Variants in BACH2 observed in about 807,000 individuals in gnomAD.
BACH2 encodes transcription regulator protein BACH2.
Under a neutral mutation model 61.8 loss-of-function variants are expected in BACH2, and 5 were observed. The ratio of observed to expected loss-of-function variants is 0.08; its 90% CI spans 0.04 to 0.17. The LOEUF is 0.17. Among genes scored for constraint, BACH2 ranks in the 10% least tolerant of loss-of-function variants. The probability of loss-of-function intolerance (pLI) is 1.00; values close to 1 mark genes in which losing one functional copy is unlikely to be tolerated. For synonymous variants in BACH2, 446 were observed against 440.1 expected, an observed-to-expected ratio of 1.01 and a Z score of -0.17; for missense variants, 824 against 1,091.1, an observed-to-expected ratio of 0.76 and a Z score of 3.45.
chr6:90,218,598 A>G (rs1769625140), intron 3 of BACH2, among the ~76,000 whole-genome samples: 1 of 151,738 alleles, frequency 6.6e-6, no homozygotes, highest in South Asian at 2.1e-4. Flanking sequence ...AAGCAGGCCA[A>G]GTCTGGAGCC....
chr6:90,092,599 A>G (rs2127808708), intron 4 of BACH2, among the ~76,000 whole-genome samples: 1 of 152,104 alleles, frequency 6.6e-6, no homozygotes, highest in Non-Finnish European at 1.5e-5. Flanking sequence ...TTTTTTTTGC[A>G]GATTATAAGA....
At chr6:90,133,275 T>C (rs1362605762) in intron 4 of BACH2, among the ~76,000 whole-genome samples, 1 of 152,154 alleles carries the variant, frequency 6.6e-6, no homozygotes, top group East Asian at 1.9e-4. Flanking sequence ...AGGAAGGAAA[T>C]TGAAGTGAAA....
In BACH2 at chr6:89,950,415, G is replaced by A. The variant is rs1477897036; in HGVS notation, c.1691C>T (p.Pro564Leu). 2.5e-6 allele frequency: 4 copies of A among 1,614,172 alleles called. No individual in the cohort carries two copies. The highest frequency in any genetic ancestry group is 3.4e-6 in the Non-Finnish European group (4 of 1,180,032). ...ARFLATEHQE[P>L]GLMGDGMYNQ... Reference sequence around the variant, plus strand: ...GTACATTCCATCTCCCATCAGGCCTGGTTCCTGATGTTCTGTGGCAAGGAA... The same window carrying A: ...GTACATTCCATCTCCCATCAGGCCTAGTTCCTGATGTTCTGTGGCAAGGAA... Residue 564 changes from proline (P) to leucine (L), a missense_variant, in exon 7 of 9, where the codon CCA becomes CTA. Physicochemically the swap from Pro to Leu is moderately conservative, Grantham distance 98 (BLOSUM62 -3). Around this residue, in one of 8 missense-constraint regions of BACH2, gnomAD observed 160 missense variants for 283.5 expected, o/e 0.56. Transcript: ENST00000257749. This position sits in a 1 kb window ranked among gnomAD's most constrained non-coding sequence, Gnocchi z 5.3.
At chr6:90,042,250 T>C (rs1779571881) in intron 5 of BACH2, among the ~76,000 whole-genome samples, 1 of 152,180 alleles carries the variant, frequency 6.6e-6, no homozygotes, top group Non-Finnish European at 1.5e-5. Context: ...TGGAGTGCAG[T>C]GGCGCAATCA....
chr6:90,255,846 A>C (rs1181180387), intron 2 of BACH2, among the ~76,000 whole-genome samples: 1 of 152,224 alleles, frequency 6.6e-6, no homozygotes. Flanking sequence ...AACGTGAAGC[A>C]GGAACGAAGG....
At position 90,014,420 on chromosome 6, in the gene BACH2, T is replaced by TTGTGTGTGTGTGTG. The variant is rs764203742; in HGVS notation, c.-12-5578_-12-5565dup. ...AATTGTCAAATTTATTGGCATAAAA[T>TTGTGTGTGTGTGTG]TGTGTGTGTGTGTGTGTGTGTATAT... On this transcript the variant is annotated intron_variant, in intron 5 of 8. Transcript: ENST00000257749. 1.1e-3 allele frequency among the ~76,000 whole-genome samples: 82 copies of TTGTGTGTGTGTGTG among 76,724 alleles called. 1 individual carries two copies. Among genetic ancestry groups the TTGTGTGTGTGTGTG allele is most frequent in the African/African-American group, 2.5e-3 (33 of 13,090 alleles). The allele number at this position is 76,724 out of a possible 152,430, so 50.3% of individuals were successfully genotyped here. A position where few individuals can be genotyped will look rare whatever the true frequency, so the allele number is the denominator to read the frequency against.
intron 1 of BACH2, among the ~76,000 whole-genome samples, chr6:90,277,077 A>G (rs995881389): frequency 6.6e-6 from 1 of 152,170 alleles, no homozygotes; most frequent in Non-Finnish European, 1.5e-5. Context: ...CTTTTCTTGA[A>G]GAGTGTCACA....
At chr6:90,115,632 A>G (rs1477585302) in intron 4 of BACH2, among the ~76,000 whole-genome samples, 63 of 152,194 alleles carry the variant, frequency 4.1e-4, no homozygotes, top group Non-Finnish European at 8.8e-5. Context: ...TGAAAAAGAC[A>G]CCAAGAGCAA....
At chr6:90,249,407 C>A (rs1174186335) in intron 3 of BACH2, among the ~76,000 whole-genome samples, 1 of 152,150 alleles carries the variant, frequency 6.6e-6, no homozygotes, top group Non-Finnish European at 1.5e-5. Context: ...GCATAAGACA[C>A]ATTTTGTGCC....
chr6:89,951,920 T>C lies in BACH2; in HGVS notation c.244-58A>G. 6.4e-7 allele frequency: 1 copy of C among 1,560,652 alleles called. No homozygotes were observed. The highest frequency in any genetic ancestry group is 1.7e-4 in the Middle Eastern group (1 of 5,806). The stretch of plus-strand genomic sequence containing the variant: ...CCATCAGCACTGCTATTGTCCCGAA[T>C]CCCTCAACTGAAGCAAGATAACCAG... On this transcript the variant is annotated intron_variant, in intron 6 of 8. Coordinates refer to ENST00000257749, the MANE Select transcript of BACH2 (RefSeq NM_021813.4). This position sits in a 1 kb window ranked among gnomAD's most constrained non-coding sequence, Gnocchi z 6.4.
chr6:90,213,395 A>G (rs1769422384), intron 3 of BACH2, among the ~76,000 whole-genome samples: 1 of 152,210 alleles, frequency 6.6e-6, no homozygotes, highest in African/African-American at 2.4e-5. Flanking sequence ...CTTCTACTGC[A>G]CACCTTCCAT....
At position 89,928,865 on chromosome 6, in the gene BACH2, GTT is replaced by G. The variant is rs58948876; in HGVS notation, c.*3541_*3542del. 278 of 146,864 alleles carry G rather than the reference GTT, an allele frequency of 1.9e-3. 1 individual carries two copies. Among genetic ancestry groups the G allele is most frequent in the African/African-American group, 5.6e-3 (221 of 39,750 alleles). 9.1% of individuals were successfully genotyped at this position (146,864 alleles called of 1,614,324 possible). A position where few individuals can be genotyped will look rare whatever the true frequency, so the allele number is the denominator to read the frequency against. On this transcript the variant is annotated 3_prime_UTR_variant, in exon 9 of 9. Transcript: ENST00000257749. The stretch of plus-strand genomic sequence containing the variant: ...GCAGGATGGCCTCGTAACTTTGTCG[GTT>G]TTTTTTTTTTTAAAGTTTTTCTAAC...
Position 89,954,304 on chromosome 6 carries a change from T to TA in BACH2, c.244-2443_244-2442insT, listed in dbSNP as rs1027604039. The stretch of plus-strand genomic sequence containing the variant: ...TACTGTTCACACAGTTTTTCTTTTT[T>TA]TTTTTATTATTATTATGCTTTAAGT... On this transcript the variant is annotated intron_variant, in intron 6 of 8. Transcript: ENST00000257749. Among the ~76,000 whole-genome samples the TA allele has an allele frequency of 1.3e-3, 202 of 150,150 alleles. 1 individual carries two copies. The highest frequency in any genetic ancestry group is 3.4e-3 in the Middle Eastern group (1 of 294).
At chr6:89,991,496 C>T (rs1776563199) in intron 6 of BACH2, among the ~76,000 whole-genome samples, 1 of 152,152 alleles carries the variant, frequency 6.6e-6, no homozygotes, top group Admixed American at 6.5e-5. Flanking sequence ...CACACACACA[C>T]ATGCATATGT....
intron 4 of BACH2, among the ~76,000 whole-genome samples, chr6:90,167,542 G>C (rs980088586): frequency 9.2e-5 from 14 of 152,224 alleles, no homozygotes; most frequent in African/African-American, 3.4e-4. Context: ...ATTTTTAGTA[G>C]AGACAGGGTT....
At chr6:90,156,249 T>TTTTA (rs1784993100) in intron 4 of BACH2, among the ~76,000 whole-genome samples, 1 of 152,226 alleles carries the variant, frequency 6.6e-6, no homozygotes, top group East Asian at 1.9e-4. Flanking sequence ...AATACTTTTG[T>TTTTA]ATAGCACTTC....
At chr6:89,944,952 A>T (rs1773642217) in intron 7 of BACH2, among the ~76,000 whole-genome samples, 1 of 152,152 alleles carries the variant, frequency 6.6e-6, no homozygotes, top group African/African-American at 2.4e-5. Flanking sequence ...ACAAACCTAT[A>T]AACCATAATG....
intron 6 of BACH2, among the ~76,000 whole-genome samples, chr6:89,995,997 T>C (rs1280148547): frequency 1.3e-5 from 2 of 152,322 alleles, no homozygotes; most frequent in South Asian, 4.1e-4. Context: ...GGAGCCTAAA[T>C]GTTGGAGCTC....
intron 3 of BACH2, among the ~76,000 whole-genome samples, chr6:90,232,350 T>G (rs1582513786): frequency 6.6e-6 from 1 of 152,312 alleles, no homozygotes; most frequent in Non-Finnish European, 1.5e-5. Flanking sequence ...TGTAGAAAGA[T>G]CTCTCTTGAA....
Sources: allele counts gnomAD v4.1 joint callset (sites outside exome capture counted in the v4.1 genomes callset), GRCh38; gene constraint gnomAD v4.1.1; regional missense constraint gnomAD v4.1.1; non-coding constraint Gnocchi (gnomAD v3.1); transcripts MANE v1.5; gene names NCBI Gene and HGNC (gene_info 2026-07-23, HGNC 2026-07-21).